TLL2: variants seen among roughly 807,000 people sequenced by gnomAD.
The protein encoded by TLL2 is tolloid-like protein 2.
In TLL2, 106 loss-of-function variants were observed where a neutral mutation model predicts 123.0. The observed-to-expected ratio is 0.86, with a 90% CI of 0.74 to 1.01. The LOEUF is 1.01. TLL2 is among the 50% of genes least tolerant of loss of function. TLL2 has a pLI of 0.00. For synonymous variants in TLL2, 494 were observed against 516.8 expected (o/e 0.96, Z 0.60); for missense variants, 1,332 against 1,336.7 (o/e 1.00, Z 0.06).
At chr10:96,481,537 T>C (rs1047558620) in intron 1 of TLL2, among the ~76,000 whole-genome samples, 2 of 152,210 alleles carry the variant, frequency 1.3e-5, no homozygotes, top group African/African-American at 4.8e-5. Context: ...CCATTGCCTT[T>C]GGGCCAGGTG....
At chr10:96,379,940 C>A (rs1453673548) in intron 16 of TLL2, among the ~76,000 whole-genome samples, 1 of 152,250 alleles carries the variant, frequency 6.6e-6, no homozygotes, top group East Asian at 1.9e-4. Flanking sequence ...CGCGACTCCA[C>A]CCCGCCCTCT....
chr10:96,506,008 C>T (rs964299890), intron 1 of TLL2, among the ~76,000 whole-genome samples: 1 of 151,960 alleles, frequency 6.6e-6, no homozygotes, highest in African/African-American at 2.4e-5. Flanking sequence ...AATCCTAACA[C>T]TTTGGGAGGC....
chr10:96,423,460 T>G (rs1846646293), intron 5 of TLL2, among the ~76,000 whole-genome samples: 1 of 152,154 alleles, frequency 6.6e-6, no homozygotes, highest in Admixed American at 6.5e-5. Flanking sequence ...TAGAGATGAC[T>G]CCCTTCTGGG....
intron 2 of TLL2, among the ~76,000 whole-genome samples, chr10:96,459,535 C>T (rs1219277089): frequency 1.3e-5 from 2 of 150,266 alleles, no homozygotes; most frequent in Admixed American, 6.7e-5. Flanking sequence ...AAAAATCAGC[C>T]GGCACCCCTG....
intron 1 of TLL2, among the ~76,000 whole-genome samples, chr10:96,481,985 C>A (rs1368982503): frequency 6.6e-6 from 1 of 152,170 alleles, no homozygotes; most frequent in Admixed American, 6.5e-5. Flanking sequence ...TAGCCAGGTG[C>A]GGTGGCTCAC....
chr10:96,433,856 A>G (rs1846768592), intron 3 of TLL2, among the ~76,000 whole-genome samples: 1 of 151,970 alleles, frequency 6.6e-6, no homozygotes, highest in African/African-American at 2.4e-5. Context: ...GCTCACTGCA[A>G]CTTCCACCTC....
chr10:96,420,667 C>T (rs1482955719), intron 7 of TLL2, among the ~76,000 whole-genome samples: 1 of 152,210 alleles, frequency 6.6e-6, no homozygotes, highest in Non-Finnish European at 1.5e-5. Flanking sequence ...CACAGAGCCT[C>T]TAAGTTATTA....
At chr10:96,441,759 C>T (rs962290158) in intron 3 of TLL2, among the ~76,000 whole-genome samples, 4 of 152,056 alleles carry the variant, frequency 2.6e-5, no homozygotes, top group East Asian at 3.9e-4. Context: ...ACAATGGCTA[C>T]GAAAGTCTGC....
intron 8 of TLL2, 168 bp from the exon 9 acceptor site, chr10:96,410,642 A>G (rs773277994): frequency 3.5e-5 from 24 of 694,272 alleles, no homozygotes; most frequent in Non-Finnish European, 5.0e-5. Context: ...TAACAAAAGC[A>G]CAAGTAGGAC....
chr10:96,513,776 G>T lies in TLL2; in HGVS notation c.-91C>A, dbSNP rs1258496567. 1.5e-6 allele frequency: 2 copies of T among 1,321,770 alleles called. No individual in the cohort carries two copies. Among genetic ancestry groups the T allele is most frequent in the African/African-American group, 3.1e-5 (2 of 64,474 alleles). The allele number at this position is 1,321,770 out of a possible 1,614,324, so 81.9% of individuals were successfully genotyped here. A position where few individuals can be genotyped will look rare whatever the true frequency, so the allele number is the denominator to read the frequency against. On this transcript the variant is annotated 5_prime_UTR_variant, in exon 1 of 21. Transcript: ENST00000357947. ...GGCGCACACTGGGTCGGTCGGCTCCGGCCGGGACTCGGTGGTTACACAGGG... is the reference window on the plus strand; with the variant it reads ...GGCGCACACTGGGTCGGTCGGCTCCTGCCGGGACTCGGTGGTTACACAGGG...
intron 2 of TLL2, among the ~76,000 whole-genome samples, chr10:96,446,953 G>T (rs540979023): frequency 6.6e-6 from 1 of 152,202 alleles, no homozygotes; most frequent in South Asian, 2.1e-4. Flanking sequence ...ACCATAAACC[G>T]CAGGTAAGTA....
At chr10:96,402,875 C>T (rs962241554) in intron 10 of TLL2, among the ~76,000 whole-genome samples, 18 of 152,166 alleles carry the variant, frequency 1.2e-4, no homozygotes, top group Admixed American at 9.2e-4. Flanking sequence ...AGTCAGGGCT[C>T]GGTCTAGCAG....
chr10:96,370,963 ACT>A (rs150022187), intron 19 of TLL2, among the ~76,000 whole-genome samples: 1 of 151,884 alleles, frequency 6.6e-6, no homozygotes, highest in African/African-American at 2.4e-5. Flanking sequence ...AAGGACAGTA[ACT>A]CTGGTTGGCC....
At chr10:96,426,911 G>A (rs1846683580) in intron 5 of TLL2, among the ~76,000 whole-genome samples, 1 of 152,124 alleles carries the variant, frequency 6.6e-6, no homozygotes, top group Non-Finnish European at 1.5e-5. Context: ...GGTGATGGTG[G>A]TGGGTTGTAA....
chr10:96,443,223 A>G (rs1375668108), intron 3 of TLL2, among the ~76,000 whole-genome samples: 1 of 152,188 alleles, frequency 6.6e-6, no homozygotes, highest in Non-Finnish European at 1.5e-5. Flanking sequence ...AAGGAGTAGA[A>G]TCTATTTCTC....
At chr10:96,450,593 T>C (rs954251722) in intron 2 of TLL2, among the ~76,000 whole-genome samples, 4 of 152,206 alleles carry the variant, frequency 2.6e-5, no homozygotes, top group Non-Finnish European at 5.9e-5. Flanking sequence ...ACGGAAGACA[T>C]GGACTTGGAG....
chr10:96,415,755 C>CTGTCTCTCTCTCTG (rs1554934642), intron 7 of TLL2, among the ~76,000 whole-genome samples: 1 of 109,738 alleles, frequency 9.1e-6, no homozygotes, highest in African/African-American at 3.9e-5. Flanking sequence ...CTCTCTCTCT[C>CTGTCTCTCTCTCTG]TCTCTCTCTC....
At position 96,446,094 on chromosome 10, in the gene TLL2, T is replaced by C; in HGVS notation, c.361A>G (p.Lys121Glu). ...AMDTGTKEAG[K>E]DGRENTTLLH... is the part of the protein sequence containing the mutation. Reference sequence around the variant, plus strand: ...ACCTGGTGAGGGCTCACATTACCCTTTCCAGCTTCCTTGGTGCCAGTGTCC... The same window carrying C: ...ACCTGGTGAGGGCTCACATTACCCTCTCCAGCTTCCTTGGTGCCAGTGTCC... Residue 121 changes from lysine (K) to glutamate (E), a missense_variant, in exon 3 of 21, where the codon AAG becomes GAG. Physicochemically the swap from Lys to Glu is moderately conservative, Grantham distance 56 (BLOSUM62 1). Coordinates refer to ENST00000357947, the MANE Select transcript of TLL2 (RefSeq NM_012465.4). The C allele has an allele frequency of 6.2e-7, 1 of 1,614,182 alleles. No individual in the cohort carries two copies. The highest frequency in any genetic ancestry group is 8.5e-7 in the Non-Finnish European group (1 of 1,180,020).
chr10:96,397,073 C>A, intron 11 of TLL2, 113 bp downstream of exon 11: 1 of 920,866 alleles, frequency 1.1e-6, no homozygotes, highest in Non-Finnish European at 1.6e-6. Context: ...TGGCTGCCCC[C>A]ACCCCTGTGG....
Sources: gnomAD v4.1 joint callset for allele counts (sites outside exome capture counted in the v4.1 genomes callset) on GRCh38, gnomAD v4.1.1 for gene constraint, MANE v1.5 for transcripts, NCBI Gene and HGNC (gene_info 2026-07-23, HGNC 2026-07-21) for gene names.